CENPE: variants seen among roughly 807,000 people sequenced by gnomAD.
CENPE encodes the protein centromere-associated protein E.
CENPE carries 145 observed loss-of-function variants against 336.1 expected under a neutral mutation model. That is an observed-to-expected ratio of 0.43 (90% CI 0.38 to 0.50). The LOEUF (loss-of-function observed/expected upper bound fraction) is 0.50. Ranked by LOEUF, CENPE falls within the 20% of genes least tolerant of loss-of-function variation. The pLI is 0.00. For synonymous variants in CENPE, 1,013 were observed against 984.8 expected, an observed-to-expected ratio of 1.03 and a Z score of -0.54; for missense variants, 2,719 against 3,023.3, an observed-to-expected ratio of 0.90 and a Z score of 2.36.
chr4:103,137,756 A>T (rs1254958065), intron 39 of CENPE, among the ~76,000 whole-genome samples: 1 of 152,160 alleles, frequency 6.6e-6, no homozygotes, highest in African/African-American at 2.4e-5. Context: ...GGCCAGGATG[A>T]TCTCTGCCTG....
intron 14 of CENPE, 49 bp downstream of exon 14, chr4:103,176,849 TA>T: frequency 7.1e-7 from 1 of 1,403,256 alleles, no homozygotes; most frequent in Non-Finnish European, 9.7e-7. Flanking sequence ...TTTCTCTTTA[TA>T]AGGATGCTTT....
rs768134090 is a variant in CENPE at position 103,140,421 on chromosome 4, G to A, written c.5755-7C>T. The A allele has an allele frequency of 1.9e-6, 3 of 1,547,322 alleles. No homozygotes were observed. The highest frequency in any genetic ancestry group is 1.4e-5 in the African/African-American group (1 of 71,760). On this transcript the variant is annotated splice_region_variant and splice_polypyrimidine_tract_variant and intron_variant, in intron 36 of 48. Coordinates refer to ENST00000265148, the MANE Select transcript of CENPE (RefSeq NM_001813.3). The stretch of plus-strand genomic sequence containing the variant: ...CCTGTTGTATTTCCAGATCCTTTAT[G>A]GTTAGAAGAAATCAAGAAATGTAAT...
At chr4:103,133,112 A>G (rs1478592105) in intron 41 of CENPE, among the ~76,000 whole-genome samples, 1 of 151,934 alleles carries the variant, frequency 6.6e-6, no homozygotes, top group East Asian at 1.9e-4. Context: ...TTTGCATAAT[A>G]TAATTTTGGC....
intron 18 of CENPE, among the ~76,000 whole-genome samples, chr4:103,162,300 C>A (rs540794840): frequency 6.6e-6 from 1 of 151,812 alleles, no homozygotes; most frequent in East Asian, 1.9e-4. Context: ...AAAGTTCCAG[C>A]TAGAAACTGT....
intron 8 of CENPE, among the ~76,000 whole-genome samples, chr4:103,187,339 A>C (rs926161399): frequency 4.6e-5 from 7 of 152,198 alleles, no homozygotes; most frequent in Non-Finnish European, 8.8e-5. Context: ...TCCAAGACAC[A>C]TAATTGTCAG....
At chr4:103,122,319 T>C (rs1007729007) in intron 43 of CENPE, among the ~76,000 whole-genome samples, 16 of 152,202 alleles carry the variant, frequency 1.1e-4, no homozygotes, top group African/African-American at 7.2e-5. Context: ...ATTTTACGCA[T>C]GTTGTTAGAT....
At chr4:103,171,058 GAC>G (rs141257801) in intron 16 of CENPE, among the ~76,000 whole-genome samples, 24,105 of 151,996 alleles carry the variant, frequency 0.16, 2,294 homozygotes, top group Non-Finnish European at 0.2. Context: ...AAGGAAGAGA[GAC>G]TGCAACACAA....
intron 45 of CENPE, among the ~76,000 whole-genome samples, chr4:103,115,441 C>T (rs368879846): frequency 2.0e-5 from 3 of 152,134 alleles, no homozygotes; most frequent in African/African-American, 4.8e-5. Flanking sequence ...GCCCTGCTGA[C>T]CCTATTCTAC....
chr4:103,113,425 TATATTACTTATATATATTACTTAC>T (rs1364432900), intron 46 of CENPE, among the ~76,000 whole-genome samples: 1 of 142,042 alleles, frequency 7.0e-6, no homozygotes. Context: ...TATATACTTA[TATATTACTTATATATATTACTTAC>T]ATATTACTTA....
chr4:103,120,464 G>A, intron 43 of CENPE, 131 bp from the exon 44 acceptor site: 1 of 678,632 alleles, frequency 1.5e-6, no homozygotes, highest in South Asian at 2.1e-5. Flanking sequence ...GGATAGAAGA[G>A]AGGCCAAACA....
At chr4:103,139,050 T>TGTGATATTAACCTAGAAGAATA (rs1752313870) in intron 38 of CENPE, among the ~76,000 whole-genome samples, 1 of 149,954 alleles carries the variant, frequency 6.7e-6, no homozygotes, top group Non-Finnish European at 1.5e-5. Context: ...TAGTCATATA[T>TGTGATATTAACCTAGAAGAATA]TCTTCCCAGC....
At chr4:103,107,053 T>A (rs1018834347) in intron 48 of CENPE, among the ~76,000 whole-genome samples, 1 of 152,216 alleles carries the variant, frequency 6.6e-6, no homozygotes, top group African/African-American at 2.4e-5. Flanking sequence ...ATTCACATTA[T>A]GCATATGCCT....
rs373595347 is a variant in CENPE, at chr4:103,116,368, T to C, written c.7442+209A>G. 299 of 319,978 alleles carry C rather than the reference T, an allele frequency of 9.3e-4. 1 individual carries two copies. The highest frequency in any genetic ancestry group is 1.9e-3 in the Middle Eastern group (2 of 1,064). 19.8% of individuals were successfully genotyped at this position (319,978 alleles called of 1,614,324 possible). A position where few individuals can be genotyped will look rare whatever the true frequency, so the allele number is the denominator to read the frequency against. ...AGTGTTCAAAGACACAGCGTGTTAA[T>C]TGATCAGAATTGTGTTTAGTTTTAA... On this transcript the variant is annotated intron_variant, in intron 45 of 48. Coordinates refer to ENST00000265148, the MANE Select transcript of CENPE (RefSeq NM_001813.3).
At chr4:103,175,234 AAC>A (rs1322808607) in intron 15 of CENPE, among the ~76,000 whole-genome samples, 1 of 152,002 alleles carries the variant, frequency 6.6e-6, no homozygotes, top group Non-Finnish European at 1.5e-5. Flanking sequence ...CAAGAATGGA[AAC>A]AGAGATATTA....
At position 103,116,959 on chromosome 4, in the gene CENPE, AT is replaced by A. The variant is rs558654211; in HGVS notation, c.7330-271del. Among the ~76,000 whole-genome samples, 13 of 152,156 alleles carry A rather than the reference AT, an allele frequency of 8.5e-5. No individual in the cohort carries two copies. The East Asian group carries it at 1.9e-3, about 23-fold the overall frequency. On this transcript the variant is annotated intron_variant, in intron 44 of 48. Transcript: ENST00000265148. ...ATGATTTTTATTTCTTAAAATAAATATTTTTTTTCTAATTGAAAATACCTAC... is the reference window on the plus strand; with the variant it reads ...ATGATTTTTATTTCTTAAAATAAATATTTTTTTCTAATTGAAAATACCTAC...
At chr4:103,115,161 C>A (rs1382765077) in intron 45 of CENPE, among the ~76,000 whole-genome samples, 1 of 150,120 alleles carries the variant, frequency 6.7e-6, no homozygotes, top group African/African-American at 2.5e-5. Context: ...GAGACGAAGT[C>A]TTGGTCTTGT....
At chr4:103,160,337 A>T (rs1009810394) in intron 21 of CENPE, among the ~76,000 whole-genome samples, 1 of 151,946 alleles carries the variant, frequency 6.6e-6, no homozygotes, top group African/African-American at 2.4e-5. Flanking sequence ...GGTGGGCCGT[A>T]ATACTGTATA....
chr4:103,161,990 C>A (rs554219100), intron 18 of CENPE, among the ~76,000 whole-genome samples: 2 of 151,916 alleles, frequency 1.3e-5, no homozygotes, highest in South Asian at 2.1e-4. Context: ...ATGACTTTAG[C>A]TTATATGAAA....
intron 25 of CENPE, 144 bp from the exon 26 acceptor site, chr4:103,151,521 TC>T: frequency 1.7e-6 from 1 of 594,586 alleles, no homozygotes; most frequent in Non-Finnish European, 2.7e-6. Flanking sequence ...AAAAAGAAAG[TC>T]CTTATTTTAA....
Sources: gnomAD v4.1 joint callset for allele counts (sites outside exome capture counted in the v4.1 genomes callset) on GRCh38, gnomAD v4.1.1 for gene constraint, MANE v1.5 for transcripts, NCBI Gene and HGNC (gene_info 2026-07-23, HGNC 2026-07-21) for gene names.